CLIP1: variants seen among roughly 807,000 people sequenced by gnomAD.
CLIP1 encodes CAP-Gly domain-containing linker protein 1.
CLIP1 carries 66 observed loss-of-function variants against 161.6 expected under a neutral mutation model. The observed-to-expected ratio is 0.41, with a 90% CI of 0.33 to 0.50. The LOEUF is 0.50. Among genes scored for constraint, CLIP1 ranks in the 20% least tolerant of loss-of-function variants. CLIP1 has a pLI of 0.27. For synonymous variants in CLIP1, 598 were observed against 626.2 expected (o/e 0.96, Z 0.67); for missense variants, 1,376 against 1,702.0 (o/e 0.81, Z 3.37).
chr12:122,276,593 G>T, intron 24 of CLIP1: 1 of 778,214 alleles, frequency 1.3e-6, no homozygotes, highest in Non-Finnish European at 1.7e-6. Flanking sequence ...GTGTTGAATC[G>T]TTTTGTGCCC....
Position 122,336,962 on chromosome 12 carries a change from G to GTTTTTT in CLIP1, c.2452-220_2452-215dup, listed in dbSNP as rs11433673. Among the ~76,000 whole-genome samples the GTTTTTT allele has an allele frequency of 3.3e-3, 479 of 144,316 alleles. 14 individuals carry two copies. Among genetic ancestry groups the GTTTTTT allele is most frequent in the Admixed American group, 0.032 (458 of 14,312 alleles). 94.7% of individuals were successfully genotyped at this position (144,316 alleles called of 152,430 possible). ...ATGATTTCCTAATGGCTATTTTTGT[G>GTTTTTT]TTTTTTTTTTTTTCTCTTTCTTTCT... On this transcript the variant is annotated intron_variant, in intron 11 of 25. Coordinates refer to ENST00000620786, the MANE Select transcript of CLIP1 (RefSeq NM_001247997.2).
chr12:122,325,739 C>T (rs148212107), intron 17 of CLIP1, among the ~76,000 whole-genome samples: 3 of 152,232 alleles, frequency 2.0e-5, no homozygotes, highest in Non-Finnish European at 4.4e-5. Flanking sequence ...CTGCAGCCTC[C>T]GCCTCCCAGG....
chr12:122,281,138 GCTTACA>G (rs1410762751), intron 21 of CLIP1, among the ~76,000 whole-genome samples: 1 of 152,196 alleles, frequency 6.6e-6, no homozygotes, highest in Non-Finnish European at 1.5e-5. Context: ...TCATTGTGTG[GCTTACA>G]CTTACACTCC....
chr12:122,273,895 C>T (rs947584078), intron 25 of CLIP1, 143 bp downstream of exon 25: 5 of 617,446 alleles, frequency 8.1e-6, no homozygotes, highest in South Asian at 5.5e-5. Context: ...CTACGCCTGG[C>T]TAACTTTTGT....
chr12:122,330,597 G>GTTTTTTTTTTTTTTTTTTTTTTTT (rs71082966), intron 15 of CLIP1, among the ~76,000 whole-genome samples: 9 of 101,376 alleles, frequency 8.9e-5, no homozygotes, highest in African/African-American at 4.0e-4. Flanking sequence ...GTATAATGCA[G>GTTTTTTTTTTTTTTTTTTTTTTTT]TTTTTTTTTT....
Position 122,354,533 on chromosome 12 carries a change from T to G in CLIP1, c.1227A>C (p.Lys409Asn). ...HDQHVLELEA[K>N]MDQLRTMVEA... ...CCACCATTGTTCGCAGCTGGTCCAT[T>G]TTGGCTTCCAATTCCAGGACATGCT... The change falls in exon 7 of 26, where the codon AAA becomes AAC. Residue 409 changes from lysine to asparagine, a missense_variant. Physicochemically the swap from Lys to Asn is moderately conservative, Grantham distance 94 (BLOSUM62 0). Around this residue, in one of 6 missense-constraint regions of CLIP1, gnomAD observed 211 missense variants for 295.1 expected, o/e 0.72. Transcript: ENST00000620786. 1 of 1,613,884 alleles carries G rather than the reference T, an allele frequency of 6.2e-7. No homozygotes were observed. Among genetic ancestry groups the G allele is most frequent in the Non-Finnish European group, 8.5e-7 (1 of 1,179,842 alleles).
intron 15 of CLIP1, among the ~76,000 whole-genome samples, chr12:122,329,573 T>C (rs1951854882): frequency 6.6e-6 from 1 of 150,902 alleles, no homozygotes; most frequent in East Asian, 1.9e-4. Flanking sequence ...GAGCTTGCAG[T>C]GAGCCGAGAT....
At chr12:122,379,996 G>GCA (rs925719914) in intron 2 of CLIP1, among the ~76,000 whole-genome samples, 1 of 141,018 alleles carries the variant, frequency 7.1e-6, no homozygotes, top group African/African-American at 2.6e-5. Context: ...TGTAATCTCA[G>GCA]CACTTTGGGA....
intron 1 of CLIP1, among the ~76,000 whole-genome samples, chr12:122,398,497 T>C (rs1375497552): frequency 2.6e-5 from 4 of 151,910 alleles, no homozygotes; most frequent in Admixed American, 6.6e-5. Flanking sequence ...AAAAGCATTA[T>C]AATGTGAATA....
intron 20 of CLIP1, among the ~76,000 whole-genome samples, chr12:122,292,495 A>C (rs75255038): frequency 0.02 from 2,985 of 152,176 alleles, 84 homozygotes; most frequent in African/African-American, 0.067. Flanking sequence ...TTTTTGGTAC[A>C]CAAAATATTC....
Position 122,322,881 on chromosome 12 carries a change from A to G in CLIP1, c.3250-3533T>C, listed in dbSNP as rs555143911. ...GCATCCAAACTCTCCTTTGCTTGCA[A>G]TATGTGAGTGTGTTCTTTTTCCAGA... On this transcript the variant is annotated intron_variant, in intron 17 of 25. Coordinates refer to ENST00000620786, the MANE Select transcript of CLIP1 (RefSeq NM_001247997.2). 6 of 152,756 alleles carry G rather than the reference A, an allele frequency of 3.9e-5. No individual in the cohort carries two copies. The East Asian group carries it at 7.7e-4, about 20-fold the overall frequency. The allele number at this position is 152,756 out of a possible 1,614,324, so 9.5% of individuals were successfully genotyped here.
At chr12:122,335,532 C>A (rs1013206553) in intron 12 of CLIP1, among the ~76,000 whole-genome samples, 3 of 151,932 alleles carry the variant, frequency 2.0e-5, no homozygotes, top group Admixed American at 2.0e-4. Flanking sequence ...CCAGGCTGGG[C>A]GCAGTAGCTC....
intron 8 of CLIP1, among the ~76,000 whole-genome samples, chr12:122,351,578 C>T (rs1364296592): frequency 6.6e-6 from 1 of 152,158 alleles, no homozygotes; most frequent in Non-Finnish European, 1.5e-5. Context: ...ATCAGAGTTG[C>T]TGTTTGGAAG....
At chr12:122,357,114 G>C (rs1226211924) in intron 5 of CLIP1, among the ~76,000 whole-genome samples, 1 of 152,046 alleles carries the variant, frequency 6.6e-6, no homozygotes, top group Non-Finnish European at 1.5e-5. Flanking sequence ...GGAAAGTGAG[G>C]AGCGTCTCTG....
intron 5 of CLIP1, among the ~76,000 whole-genome samples, chr12:122,356,838 C>T (rs1314917835): frequency 6.6e-6 from 1 of 152,246 alleles, no homozygotes; most frequent in East Asian, 1.9e-4. Flanking sequence ...CGGGGTTTCG[C>T]TGTGTTGGCC....
At chr12:122,370,288 A>C (rs1555275059) in intron 3 of CLIP1, among the ~76,000 whole-genome samples, 1 of 152,112 alleles carries the variant, frequency 6.6e-6, no homozygotes, top group Non-Finnish European at 1.5e-5. Flanking sequence ...CCAGAGAACA[A>C]GGGGCACTGC....
At chr12:122,328,585 GTTTTGTTTT>G (rs1284586908) in intron 15 of CLIP1, among the ~76,000 whole-genome samples, 159 bp from the exon 16 acceptor site, 6 of 151,986 alleles carry the variant, frequency 3.9e-5, no homozygotes, top group Admixed American at 6.6e-5. Flanking sequence ...GTTTTGTTTT[GTTTTGTTTT>G]GTTTTGGGGG....
At chr12:122,386,532 CAG>C (rs922579393) in intron 1 of CLIP1, among the ~76,000 whole-genome samples, 2 of 152,112 alleles carry the variant, frequency 1.3e-5, no homozygotes, top group African/African-American at 4.8e-5. Flanking sequence ...ATAGTCAAGT[CAG>C]TGTTCCAAAA....
At chr12:122,393,408 C>T (rs866727517) in intron 1 of CLIP1, among the ~76,000 whole-genome samples, 2 of 151,572 alleles carry the variant, frequency 1.3e-5, no homozygotes, top group East Asian at 2.0e-4. Context: ...GTGATCTGCC[C>T]GCCTCGGCCT....
Sources: allele counts gnomAD v4.1 joint callset (sites outside exome capture counted in the v4.1 genomes callset), GRCh38; gene constraint gnomAD v4.1.1; regional missense constraint gnomAD v4.1.1; transcripts MANE v1.5; gene names NCBI Gene and HGNC (gene_info 2026-07-23, HGNC 2026-07-21).